Variants in METTL25B observed in about 807,000 individuals in gnomAD.
METTL25B encodes the protein methyltransferase-like protein 25B.
A neutral mutation model predicts 48.4 loss-of-function variants in METTL25B; 38 were observed. The ratio of observed to expected loss-of-function variants is 0.78; its 90% CI spans 0.61 to 1.03. The LOEUF (loss-of-function observed/expected upper bound fraction) is 1.03. Among genes scored for constraint, METTL25B ranks in the 50% least tolerant of loss-of-function variants. The pLI, the probability that METTL25B is intolerant of heterozygous loss-of-function variation, is 0.00. For missense variants in METTL25B, 537 were observed against 603.7 expected, an observed-to-expected ratio of 0.89 and a Z score of 1.16; for synonymous variants, 230 against 254.5, an observed-to-expected ratio of 0.90 and a Z score of 0.92.
intron 7 of METTL25B, 90 bp downstream of exon 7, chr1:156,735,999 G>A: frequency 8.6e-7 from 1 of 1,159,076 alleles, no homozygotes; most frequent in Non-Finnish European, 1.2e-6. Flanking sequence ...CATCTTCTGG[G>A]CCTAGCTAAT....
chr1:156,728,783 A>C lies in METTL25B; in HGVS notation c.-322A>C. 9.6e-6 allele frequency: 10 copies of C among 1,042,172 alleles called. No homozygotes were observed. The highest frequency in any genetic ancestry group is 7.2e-5 in the East Asian group (1 of 13,842). 64.6% of individuals were successfully genotyped at this position (1,042,172 alleles called of 1,614,324 possible). ...GAGGAGTGTACGGCAAGGGGCGGGA[A>C]CTGGAACTTGGCCCGCCTCGTTGTG... On this transcript the variant is annotated 5_prime_UTR_variant, in exon 1 of 8. Coordinates refer to ENST00000368216, the MANE Select transcript of METTL25B (RefSeq NM_015997.4).
At chr1:156,736,408 G>T (rs1649807115) in intron 7 of METTL25B, 3 of 524,112 alleles carry the variant, frequency 5.7e-6, no homozygotes, top group Non-Finnish European at 1.0e-5. Flanking sequence ...CCTCTCTAAG[G>T]TGCATGTTAA....
Position 156,733,038 on chromosome 1 carries a change from C to G in METTL25B, c.483C>G (p.Gly161=). 1.2e-6 allele frequency: 2 copies of G among 1,614,004 alleles called. No individual in the cohort carries two copies. The highest frequency in any genetic ancestry group is 8.5e-7 in the Non-Finnish European group (1 of 1,179,908). ...GCTGCACCCAGGTTGTAGACGTGGG[C>G]TCAGGCCAGGTGAGCCAGAGTCTTG... ...FTGCTQVVDV[G]SGQGHLSRFM... The change falls in exon 4 of 8, where the codon GGC becomes GGG. Residue 161 remains glycine (G), a synonymous_variant. Coordinates refer to ENST00000368216, the MANE Select transcript of METTL25B (RefSeq NM_015997.4).
intron 1 of METTL25B, among the ~76,000 whole-genome samples, chr1:156,730,904 C>G (rs1449153279): frequency 6.6e-6 from 1 of 152,234 alleles, no homozygotes. Flanking sequence ...ATGTTTACAG[C>G]AGTACCTGGC....
chr1:156,729,123 C>A lies in METTL25B; in HGVS notation c.19C>A (p.Arg7=), dbSNP rs770074768. Reference sequence around the variant, plus strand: ...CCCCGGGATGCCGGGCATCTCCGCCCGAGGCCTCTCTCATGAGGGGAGGAA... The same window carrying A: ...CCCCGGGATGCCGGGCATCTCCGCCAGAGGCCTCTCTCATGAGGGGAGGAA... MPGISA[R]GLSHEGRKQL... Residue 7 remains arginine (R), a synonymous_variant, in exon 1 of 8, where the codon CGA becomes AGA. Transcript: ENST00000368216. 6.2e-7 allele frequency: 1 copy of A among 1,608,158 alleles called. No homozygotes were observed. Among genetic ancestry groups the A allele is most frequent in the Admixed American group, 1.7e-5 (1 of 59,682 alleles).
rs1442391561 is a variant in METTL25B at position 156,734,206 on chromosome 1, G to A, written c.834G>A (p.Val278=). The A allele has an allele frequency of 1.2e-6, 2 of 1,614,112 alleles. No individual in the cohort carries two copies. The highest frequency in any genetic ancestry group is 2.2e-5 in the East Asian group (1 of 44,902). Residue 278 remains valine, a synonymous_variant, in exon 6 of 8, where the codon GTG becomes GTA. Transcript: ENST00000368216. The part of the protein sequence containing the change: ...LRHFSCCPEV[V]ALASVGCCYM... ...ACTTCTCCTGCTGTCCTGAGGTGGT[G>A]GCCCTGGCCTCAGTGGGCTGCTGCT...
intron 4 of METTL25B, 81 bp downstream of exon 4, chr1:156,733,128 C>A: frequency 7.4e-7 from 1 of 1,359,518 alleles, no homozygotes; most frequent in Non-Finnish European, 1.0e-6. Context: ...GGGCCACAGG[C>A]CCAGCGAGGC....
At chr1:156,731,921 A>T in intron 1 of METTL25B, 70 bp from the exon 2 acceptor site, 1 of 1,587,026 alleles carries the variant, frequency 6.3e-7, no homozygotes. Context: ...TGAGGTGTGT[A>T]GTTGAGAGTG....
At position 156,731,912 on chromosome 1, in the gene METTL25B, G is replaced by A. The variant is rs1343439890; in HGVS notation, c.112-79G>A. ...GCAGTGCTGGGAAGAGGCAGGCAAT[G>A]AGGTGTGTAGTTGAGAGTGGTGTGG... On this transcript the variant is annotated intron_variant, in intron 1 of 7. Coordinates refer to ENST00000368216, the MANE Select transcript of METTL25B (RefSeq NM_015997.4). 8 of 1,565,178 alleles carry A rather than the reference G, an allele frequency of 5.1e-6. No individual in the cohort carries two copies. The African/African-American group carries it at 8.1e-5, about 16-fold the overall frequency.
Position 156,732,491 on chromosome 1 carries a change from G to A in METTL25B, c.429+18G>A, listed in dbSNP as rs372955163. The A allele has an allele frequency of 3.0e-4, 486 of 1,610,584 alleles. No individual in the cohort carries two copies. The highest frequency in any genetic ancestry group is 3.9e-4 in the Non-Finnish European group (460 of 1,179,392). ...TGGGAGAGGTGAGGAGATGGCTGGA[G>A]CATGGGTGGTGTCTGGGAGCCCAGG... On this transcript the variant is annotated intron_variant, in intron 3 of 7. Coordinates refer to ENST00000368216, the MANE Select transcript of METTL25B (RefSeq NM_015997.4).
chr1:156,735,014 C>T lies in METTL25B; in HGVS notation c.1121+521C>T, dbSNP rs1176014687. On this transcript the variant is annotated intron_variant, in intron 6 of 7. Transcript: ENST00000368216. ...AAAGAAACATGAAGTTTTGGCCAGG[C>T]GCGGTGGCTCATGCCTGTAATCCCA... 2.6e-5 allele frequency among the ~76,000 whole-genome samples: 4 copies of T among 151,766 alleles called. No homozygotes were observed. The East Asian group carries it at 5.9e-4, about 22-fold the overall frequency.
At position 156,734,254 on chromosome 1, in the gene METTL25B, C is replaced by T. The variant is rs377666688; in HGVS notation, c.882C>T (p.Gly294=). The change falls in exon 6 of 8, where the codon GGC becomes GGT. Residue 294 remains glycine, a synonymous_variant. Transcript: ENST00000368216. Reference sequence around the variant, plus strand: ...GCTACATGAAGCTGAGTGACCCTGGCGGCTACCCACTGAGTCAGTGGGTGG... The same window carrying T: ...GCTACATGAAGCTGAGTGACCCTGGTGGCTACCCACTGAGTCAGTGGGTGG... ...GCCYMKLSDP[G]GYPLSQWVAG... 5.6e-5 allele frequency: 90 copies of T among 1,614,050 alleles called. No homozygotes were observed. Among genetic ancestry groups the T allele is most frequent in the Non-Finnish European group, 6.9e-5 (81 of 1,180,030 alleles).
chr1:156,729,263 C>T, intron 1 of METTL25B, 48 bp downstream of exon 1: 1 of 1,110,810 alleles, frequency 9.0e-7, no homozygotes. Context: ...GTGTGGTTGG[C>T]TAGGTGCCCA....
Position 156,729,082 on chromosome 1 carries a change from C to T in METTL25B, c.-23C>T, listed in dbSNP as rs183971043. On this transcript the variant is annotated 5_prime_UTR_variant, in exon 1 of 8. Coordinates refer to ENST00000368216, the MANE Select transcript of METTL25B (RefSeq NM_015997.4). ...CCCTGTTCACTGCGTTCTCGCTCCCCGCGCTCCCTGCTGGACCCCGGGATG... is the reference window on the plus strand; with the variant it reads ...CCCTGTTCACTGCGTTCTCGCTCCCTGCGCTCCCTGCTGGACCCCGGGATG... The T allele has an allele frequency of 6.1e-4, 883 of 1,450,782 alleles. 1 individual carries two copies. The highest frequency in any genetic ancestry group is 4.3e-3 in the Middle Eastern group (25 of 5,754). 89.9% of individuals were successfully genotyped at this position (1,450,782 alleles called of 1,614,324 possible).
chr1:156,734,506 GA>G lies in METTL25B; in HGVS notation c.1121+14del. The G allele has an allele frequency of 6.4e-7, 1 of 1,559,294 alleles. No individual in the cohort carries two copies. The highest frequency in any genetic ancestry group is 2.3e-5 in the East Asian group (1 of 42,870). Reference sequence around the variant, plus strand: ...TCAAGATTGAAGAGTGAGGTTGGGGGACGGGTGGGGGGCAGTGGAGAGGAGA... The same window carrying G: ...TCAAGATTGAAGAGTGAGGTTGGGGGCGGGTGGGGGGCAGTGGAGAGGAGA... On this transcript the variant is annotated intron_variant, in intron 6 of 7. Coordinates refer to ENST00000368216, the MANE Select transcript of METTL25B (RefSeq NM_015997.4).
intron 1 of METTL25B, among the ~76,000 whole-genome samples, chr1:156,730,128 C>A (rs1465805455): frequency 6.6e-6 from 1 of 152,242 alleles, no homozygotes; most frequent in African/African-American, 2.4e-5. Flanking sequence ...CTTCACTGAG[C>A]AGCTAGATTG....
chr1:156,732,680 CTG>C (rs1347932310), intron 3 of METTL25B, among the ~76,000 whole-genome samples: 1 of 152,140 alleles, frequency 6.6e-6, no homozygotes, highest in Non-Finnish European at 1.5e-5. Flanking sequence ...GTCTGAATCA[CTG>C]TCTCATTCCT....
chr1:156,729,460 T>C (rs968045231), intron 1 of METTL25B: 8 of 339,250 alleles, frequency 2.4e-5, no homozygotes, highest in African/African-American at 1.8e-4. Flanking sequence ...GGAGTCTCGC[T>C]CTGTCCCCCA....
chr1:156,735,729 G>GTGCAGCGGGGGC lies in METTL25B; in HGVS notation c.1128_1139dup (p.Gly379_Arg382dup), dbSNP rs749047530. On this transcript the variant is annotated inframe_insertion, in exon 7 of 8. Transcript: ENST00000368216. ...TGAATGTGACTGATCCCACAGATAT[G>GTGCAGCGGGGGC]TGCAGCGGGGGCTACAGCGAGTGGG... is the stretch of plus-strand genomic sequence containing the variant. 1.9e-6 allele frequency: 3 copies of GTGCAGCGGGGGC among 1,608,500 alleles called. No homozygotes were observed. The highest frequency in any genetic ancestry group is 3.4e-5 in the Admixed American group (2 of 59,378).
Sources: gnomAD v4.1 joint callset for allele counts (sites outside exome capture counted in the v4.1 genomes callset) on GRCh38, gnomAD v4.1.1 for gene constraint, MANE v1.5 for transcripts, NCBI Gene and HGNC (gene_info 2026-07-23, HGNC 2026-07-21) for gene names.